Variants in ABHD18 observed in about 807,000 individuals in gnomAD.
ABHD18 encodes the protein abhydrolase domain containing 18.
A neutral mutation model predicts 65.9 loss-of-function variants in ABHD18; 55 were observed. The ratio of observed to expected loss-of-function variants is 0.84; its 90% CI spans 0.67 to 1.05. The LOEUF is 1.05. ABHD18 is among the 50% of genes least tolerant of loss of function. The pLI, the probability that ABHD18 is intolerant of heterozygous loss-of-function variation, is 0.00. For synonymous variants in ABHD18, 181 were observed against 180.2 expected, an observed-to-expected ratio of 1.00 and a Z score of -0.04; for missense variants, 533 against 558.5, an observed-to-expected ratio of 0.95 and a Z score of 0.46.
intron 1 of ABHD18, among the ~76,000 whole-genome samples, chr4:127,977,356 CAGCTACTTGAG>C (rs1228053452): frequency 6.6e-6 from 1 of 151,988 alleles, no homozygotes; most frequent in Non-Finnish European, 1.5e-5. Context: ...CCTGTAATCC[CAGCTACTTGAG>C]AAGCTGAGGC....
chr4:128,010,744 A>G (rs895788719), intron 6 of ABHD18, among the ~76,000 whole-genome samples: 7 of 151,740 alleles, frequency 4.6e-5, no homozygotes, highest in East Asian at 3.9e-4. Flanking sequence ...CAAAACCCCT[A>G]TCTCTACTAA....
At chr4:128,032,304 A>G (rs1355220955) in intron 12 of ABHD18, among the ~76,000 whole-genome samples, 2 of 152,180 alleles carry the variant, frequency 1.3e-5, no homozygotes, top group African/African-American at 4.8e-5. Flanking sequence ...TCCATTCCCC[A>G]TCAGTCACTT....
At chr4:128,011,263 C>G (rs1383023674) in intron 6 of ABHD18, among the ~76,000 whole-genome samples, 1 of 151,852 alleles carries the variant, frequency 6.6e-6, no homozygotes, top group Non-Finnish European at 1.5e-5. Context: ...ATTCTCCTGC[C>G]TCAGCCTCCC....
At chr4:128,019,785 A>G (rs1579407817) in intron 8 of ABHD18, among the ~76,000 whole-genome samples, 1 of 152,190 alleles carries the variant, frequency 6.6e-6, no homozygotes, top group East Asian at 1.9e-4. Context: ...CCTGCTGCCC[A>G]GCATCTACAT....
intron 4 of ABHD18, among the ~76,000 whole-genome samples, chr4:127,996,520 G>A (rs969214942): frequency 2.0e-5 from 3 of 152,104 alleles, no homozygotes; most frequent in African/African-American, 4.8e-5. Flanking sequence ...ACAGGCAAAG[G>A]CAAAATTAGA....
intron 4 of ABHD18, among the ~76,000 whole-genome samples, chr4:127,991,772 C>T (rs1750972920): frequency 6.6e-6 from 1 of 152,062 alleles, no homozygotes; most frequent in African/African-American, 2.4e-5. Flanking sequence ...AAAAATTCTT[C>T]AGTCAAGAAG....
At chr4:127,978,436 G>T (rs1347408474) in intron 1 of ABHD18, among the ~76,000 whole-genome samples, 2 of 152,110 alleles carry the variant, frequency 1.3e-5, no homozygotes, top group Non-Finnish European at 2.9e-5. Flanking sequence ...AGTTCTGCTG[G>T]ATGTGATGAG....
chr4:128,033,508 C>T (rs1310072421), intron 12 of ABHD18, among the ~76,000 whole-genome samples: 2 of 146,864 alleles, frequency 1.4e-5, no homozygotes, highest in African/African-American at 5.0e-5. Context: ...AGCAGGCTAT[C>T]AGTTTCAAAG....
At chr4:127,998,325 G>A (rs1165500901) in intron 4 of ABHD18, among the ~76,000 whole-genome samples, 12 of 132,380 alleles carry the variant, frequency 9.1e-5, no homozygotes, top group African/African-American at 2.2e-4. Flanking sequence ...CTCTGTCGCC[G>A]AGGCTGGAGT....
At position 128,031,467 on chromosome 4, in the gene ABHD18, C is replaced by CA. The variant is rs571594420; in HGVS notation, c.1343+806dup. On this transcript the variant is annotated intron_variant, in intron 12 of 12. Coordinates refer to ENST00000645843, the MANE Select transcript of ABHD18 (RefSeq NM_001358451.3). Reference sequence around the variant, plus strand: ...TGGGAGACAGAGCGAGACTCCGTCTCAAAAAAAAAAATTTTTTTATGCTAA... The same window carrying CA: ...TGGGAGACAGAGCGAGACTCCGTCTCAAAAAAAAAAAATTTTTTTATGCTAA... Among the ~76,000 whole-genome samples, 276 of 148,174 alleles carry CA rather than the reference C, an allele frequency of 1.9e-3. 4 individuals are homozygous for CA. Among genetic ancestry groups the CA allele is most frequent in the South Asian group, 6.1e-3 (29 of 4,726 alleles).
chr4:127,996,929 TC>T (rs1281769530), intron 4 of ABHD18, among the ~76,000 whole-genome samples: 3 of 152,342 alleles, frequency 2.0e-5, no homozygotes, highest in African/African-American at 7.2e-5. Flanking sequence ...GTTGTTCTGT[TC>T]TTTTTCAGGG....
intron 1 of ABHD18, among the ~76,000 whole-genome samples, chr4:127,982,321 A>G (rs1258152348): frequency 1.3e-5 from 2 of 152,224 alleles, no homozygotes; most frequent in Non-Finnish European, 2.9e-5. Context: ...AAAAATCTTT[A>G]GAAATACTTG....
chr4:128,033,019 C>T lies in ABHD18; in HGVS notation c.1343+2347C>T, dbSNP rs370996352. ...CTGTAATCCCAGCACTTTGGGAGGC[C>T]GAGGCGGGTGGATCACGAGGCCAGG... On this transcript the variant is annotated intron_variant, in intron 12 of 12. Coordinates refer to ENST00000645843, the MANE Select transcript of ABHD18 (RefSeq NM_001358451.3). 8.6e-5 allele frequency among the ~76,000 whole-genome samples: 13 copies of T among 152,044 alleles called. No homozygotes were observed. The East Asian group carries it at 2.3e-3, about 27-fold the overall frequency.
chr4:128,011,628 ATTAT>A, intron 6 of ABHD18, 41 bp from the exon 7 acceptor site: 2 of 1,475,502 alleles, frequency 1.4e-6, no homozygotes, highest in African/African-American at 1.4e-5. Context: ...GACAAACAAA[ATTAT>A]TTAATTATTT....
At chr4:127,994,030 C>T (rs1751346456) in intron 4 of ABHD18, among the ~76,000 whole-genome samples, 1 of 152,178 alleles carries the variant, frequency 6.6e-6, no homozygotes. Context: ...GTCCATTACT[C>T]ATGATTCTGT....
chr4:127,970,289 G>A (rs1746481580), intron 1 of ABHD18, among the ~76,000 whole-genome samples: 1 of 152,010 alleles, frequency 6.6e-6, no homozygotes, highest in South Asian at 2.1e-4. Flanking sequence ...TTCATTTCAT[G>A]CTGATGTTAA....
chr4:128,022,411 T>A (rs1008018869), intron 10 of ABHD18, among the ~76,000 whole-genome samples: 4 of 152,206 alleles, frequency 2.6e-5, no homozygotes, highest in African/African-American at 7.2e-5. Context: ...CTACGTTGCC[T>A]GAAAATTGGC....
chr4:127,993,529 TGCA>T (rs1751268076), intron 4 of ABHD18, among the ~76,000 whole-genome samples: 1 of 152,148 alleles, frequency 6.6e-6, no homozygotes, highest in African/African-American at 2.4e-5. Flanking sequence ...GTCATTCTTG[TGCA>T]GCAATTTATC....
At chr4:128,009,225 CT>C in intron 6 of ABHD18, 34 bp downstream of exon 6, 1 of 1,302,304 alleles carries the variant, frequency 7.7e-7, no homozygotes, top group Non-Finnish European at 1.0e-6. Flanking sequence ...AATCTTTTGC[CT>C]TGTTTATTTA....
Sources: gnomAD v4.1 joint callset for allele counts (sites outside exome capture counted in the v4.1 genomes callset) on GRCh38, gnomAD v4.1.1 for gene constraint, MANE v1.5 for transcripts, NCBI Gene and HGNC (gene_info 2026-07-23, HGNC 2026-07-21) for gene names.